Variants in COL22A1 observed in about 807,000 individuals in gnomAD.
COL22A1 encodes collagen alpha-1(XXII) chain.
A neutral mutation model predicts 248.9 loss-of-function variants in COL22A1; 221 were observed. The observed-to-expected ratio is 0.89, with a 90% confidence interval of 0.80 to 0.99. The LOEUF is 0.99. COL22A1 is among the 50% of genes least tolerant of loss of function. The probability of loss-of-function intolerance (pLI) is 0.00; values close to 1 mark genes in which losing one functional copy is unlikely to be tolerated. For missense variants in COL22A1, 2,240 were observed against 2,179.0 expected, an observed-to-expected ratio of 1.03 and a Z score of -0.56; for synonymous variants, 891 against 793.4, an observed-to-expected ratio of 1.12 and a Z score of -2.07.
intron 3 of COL22A1, among the ~76,000 whole-genome samples, chr8:138,868,842 T>C (rs1823101183): frequency 6.6e-6 from 1 of 152,056 alleles, no homozygotes; most frequent in Non-Finnish European, 1.5e-5. Flanking sequence ...GCAATTCTCC[T>C]GCCTCAGTCT....
intron 59 of COL22A1, among the ~76,000 whole-genome samples, chr8:138,604,007 G>A (rs963559804): frequency 1.3e-5 from 2 of 152,198 alleles, no homozygotes; most frequent in Non-Finnish European, 2.9e-5. Flanking sequence ...AGAGCAGGGT[G>A]CTAAAACCAA....
Position 138,737,578 on chromosome 8 carries a change from CT to C in COL22A1, c.2086-2del. On this transcript the variant is annotated splice_acceptor_variant, in intron 22 of 64. Coordinates refer to ENST00000303045, the MANE Select transcript of COL22A1 (RefSeq NM_152888.3). LOFTEE classifies it high-confidence loss of function. The stretch of plus-strand genomic sequence containing the variant: ...GTGGTCCCATGTCACCTTTCTTCCC[CT>C]GAGTGTAAAAGAAGAAGCTAAAATT... The C allele has an allele frequency of 1.9e-6, 3 of 1,607,972 alleles. No individual in the cohort carries two copies. The highest frequency in any genetic ancestry group is 2.6e-6 in the Non-Finnish European group (3 of 1,174,708).
intron 47 of COL22A1, among the ~76,000 whole-genome samples, chr8:138,637,304 AAGG>A (rs958150436): frequency 1.3e-5 from 2 of 152,094 alleles, no homozygotes; most frequent in African/African-American, 2.4e-5. Context: ...GGTGAGGGAG[AAGG>A]AGAAGTTTAG....
intron 48 of COL22A1, among the ~76,000 whole-genome samples, chr8:138,635,761 G>C (rs1455443581): frequency 6.6e-6 from 1 of 151,930 alleles, no homozygotes; most frequent in Non-Finnish European, 1.5e-5. Flanking sequence ...ATTCAATGTA[G>C]AGTACATTGC....
At chr8:138,873,567 T>C (rs1001040750) in intron 3 of COL22A1, among the ~76,000 whole-genome samples, 1 of 152,220 alleles carries the variant, frequency 6.6e-6, no homozygotes, top group Non-Finnish European at 1.5e-5. Context: ...AGACATACAC[T>C]AGGCAGGTAA....
chr8:138,863,418 G>A (rs1048785526), intron 3 of COL22A1, among the ~76,000 whole-genome samples: 3 of 152,176 alleles, frequency 2.0e-5, no homozygotes, highest in Non-Finnish European at 4.4e-5. Flanking sequence ...ACGCAGTGAG[G>A]AGGGCGATGA....
chr8:138,735,505 AAAAC>A (rs1428211076), intron 23 of COL22A1, among the ~76,000 whole-genome samples: 5 of 152,254 alleles, frequency 3.3e-5, no homozygotes, highest in South Asian at 2.1e-4. Context: ...CTTTTCCCAG[AAAAC>A]AAACAAAGAG....
chr8:138,714,132 G>A (rs1829247098), intron 30 of COL22A1, among the ~76,000 whole-genome samples: 1 of 152,196 alleles, frequency 6.6e-6, no homozygotes. Context: ...TGTTGCCAAA[G>A]GCAAGTGGCA....
At chr8:138,655,419 C>T (rs1823153652) in intron 45 of COL22A1, among the ~76,000 whole-genome samples, 1 of 152,192 alleles carries the variant, frequency 6.6e-6, no homozygotes, top group African/African-American at 2.4e-5. Context: ...AGTGCAGTTG[C>T]ATGCCCATGG....
At chr8:138,805,317 G>GTGTGTGATGGTGTGTC (rs1817426501) in intron 10 of COL22A1, among the ~76,000 whole-genome samples, 1 of 96,190 alleles carries the variant, frequency 1.0e-5, no homozygotes, top group South Asian at 3.6e-4. Context: ...TGTTTGGTGT[G>GTGTGTGATGGTGTGTC]TGTGTGATGG....
At chr8:138,782,440 ACTC>A in intron 12 of COL22A1, among the ~76,000 whole-genome samples, 1 of 152,126 alleles carries the variant, frequency 6.6e-6, no homozygotes, top group East Asian at 1.9e-4. Context: ...CAGGCCTCAA[ACTC>A]CTGAGCTCAG....
intron 7 of COL22A1, among the ~76,000 whole-genome samples, chr8:138,813,990 A>G (rs1034277792): frequency 1.3e-5 from 2 of 152,254 alleles, no homozygotes; most frequent in Non-Finnish European, 1.5e-5. Flanking sequence ...AAGACGTAAC[A>G]CGTAAAAAAC....
chr8:138,611,738 T>C (rs1818880087), intron 56 of COL22A1, among the ~76,000 whole-genome samples: 1 of 152,078 alleles, frequency 6.6e-6, no homozygotes, highest in African/African-American at 2.4e-5. Flanking sequence ...CTCATCTGAG[T>C]CATTGTGGCC....
intron 51 of COL22A1, 44 bp from the exon 52 acceptor site, chr8:138,623,829 G>A (rs778270043): frequency 2.0e-5 from 32 of 1,563,550 alleles, no homozygotes; most frequent in African/African-American, 2.7e-5. Flanking sequence ...AAGAAGATTC[G>A]AGGGGATGGA....
chr8:138,780,226 C>T (rs997279256), intron 13 of COL22A1, among the ~76,000 whole-genome samples: 2 of 152,164 alleles, frequency 1.3e-5, no homozygotes, highest in African/African-American at 4.8e-5. Flanking sequence ...GTCTAGGGTC[C>T]AAGTAACTCC....
intron 47 of COL22A1, 111 bp from the exon 48 acceptor site, chr8:138,636,906 A>G: frequency 1.1e-6 from 1 of 926,162 alleles, no homozygotes; most frequent in Non-Finnish European, 1.7e-6. Context: ...AAAATCTCTT[A>G]TCAAGTTCCT....
At chr8:138,663,627 C>T (rs932859728) in intron 42 of COL22A1, 78 bp downstream of exon 42, 34 of 1,150,098 alleles carry the variant, frequency 3.0e-5, no homozygotes, top group Non-Finnish European at 4.5e-5. Flanking sequence ...GTTTTTGGTG[C>T]TTCCCATTTA....
At chr8:138,869,425 G>A (rs117806864) in intron 3 of COL22A1, among the ~76,000 whole-genome samples, 1,742 of 152,262 alleles carry the variant, frequency 0.011, 21 homozygotes, top group Admixed American at 0.023. Context: ...TCTGAAATGC[G>A]CTGACAGTGA....
At chr8:138,751,285 A>C (rs947729328) in intron 22 of COL22A1, among the ~76,000 whole-genome samples, 173 bp downstream of exon 22, 4 of 152,212 alleles carry the variant, frequency 2.6e-5, no homozygotes, top group South Asian at 4.1e-4. Context: ...AAGGCAGAAC[A>C]CATAGTAGAA....
Sources: allele counts gnomAD v4.1 joint callset (sites outside exome capture counted in the v4.1 genomes callset), GRCh38; gene constraint gnomAD v4.1.1; transcripts MANE v1.5; gene names NCBI Gene and HGNC (gene_info 2026-07-23, HGNC 2026-07-21).